Variants in PDGFC observed in about 807,000 individuals in gnomAD.
PDGFC encodes platelet derived growth factor C, also known as platelet-derived growth factor C.
Under a neutral mutation model 35.5 loss-of-function variants are expected in PDGFC, and 12 were observed. The observed-to-expected ratio is 0.34, with a 90% CI of 0.22 to 0.55. PDGFC has a LOEUF of 0.55. Among genes scored for constraint, PDGFC ranks in the 20% least tolerant of loss-of-function variants. The pLI is 0.91. For synonymous variants in PDGFC, 159 were observed against 148.8 expected (o/e 1.07, Z -0.50); for missense variants, 322 against 412.4 (o/e 0.78, Z 1.90).
chr4:156,938,554 G>A (rs1156766558), intron 1 of PDGFC, among the ~76,000 whole-genome samples: 2 of 151,772 alleles, frequency 1.3e-5, no homozygotes, highest in Non-Finnish European at 2.9e-5. Context: ...GCAATAACAA[G>A]TCAATATTTA....
At chr4:156,792,243 T>G (rs1731318153) in intron 3 of PDGFC, among the ~76,000 whole-genome samples, 1 of 152,134 alleles carries the variant, frequency 6.6e-6, no homozygotes, top group South Asian at 2.1e-4. Flanking sequence ...ATATACAATT[T>G]GGATAAAAGT....
chr4:156,877,847 T>A (rs908264741), intron 1 of PDGFC, among the ~76,000 whole-genome samples: 3 of 152,118 alleles, frequency 2.0e-5, no homozygotes, highest in Admixed American at 6.6e-5. Flanking sequence ...CTTGGTTAAC[T>A]CTATTCACTC....
At chr4:156,782,046 T>G (rs896029473) in intron 3 of PDGFC, among the ~76,000 whole-genome samples, 1 of 152,126 alleles carries the variant, frequency 6.6e-6, no homozygotes, top group African/African-American at 2.4e-5. Flanking sequence ...CCACCCAACA[T>G]TCTTTCTAGA....
At chr4:156,902,902 G>GA (rs1730823824) in intron 1 of PDGFC, among the ~76,000 whole-genome samples, 1 of 151,798 alleles carries the variant, frequency 6.6e-6, no homozygotes, top group Non-Finnish European at 1.5e-5. Context: ...CAACTATGCG[G>GA]AGCAAAAAAA....
At chr4:156,901,854 T>A (rs978500073) in intron 1 of PDGFC, among the ~76,000 whole-genome samples, 2 of 152,072 alleles carry the variant, frequency 1.3e-5, no homozygotes, top group African/African-American at 4.8e-5. Context: ...TCAAGTGATC[T>A]GCCCGCCTCG....
chr4:156,869,486 G>A (rs1470537804), intron 1 of PDGFC, among the ~76,000 whole-genome samples: 1 of 151,912 alleles, frequency 6.6e-6, no homozygotes, highest in Non-Finnish European at 1.5e-5. Context: ...CATAGCTACT[G>A]TTGTTTTTGC....
intron 1 of PDGFC, among the ~76,000 whole-genome samples, chr4:156,881,234 C>G (rs1268512406): frequency 1.3e-5 from 2 of 152,164 alleles, no homozygotes; most frequent in Non-Finnish European, 2.9e-5. Context: ...AAGGTTACTA[C>G]TTGCTAAAGG....
At chr4:156,849,081 G>C (rs140202529) in intron 2 of PDGFC, among the ~76,000 whole-genome samples, 265 of 152,062 alleles carry the variant, frequency 1.7e-3, no homozygotes, top group Middle Eastern at 6.8e-3. Flanking sequence ...AAAGACAAGA[G>C]GTGCAGTACA....
chr4:156,946,898 T>C (rs985659382), intron 1 of PDGFC, among the ~76,000 whole-genome samples: 2 of 152,002 alleles, frequency 1.3e-5, no homozygotes, highest in South Asian at 2.1e-4. Flanking sequence ...TCACCCAGTT[T>C]ACTTAGGAAT....
intron 1 of PDGFC, among the ~76,000 whole-genome samples, chr4:156,951,449 T>C (rs1310918828): frequency 6.6e-6 from 1 of 151,794 alleles, no homozygotes; most frequent in Non-Finnish European, 1.5e-5. Flanking sequence ...TGTGGAGTTT[T>C]AATATTTTTG....
At chr4:156,849,296 C>T (rs1330708463) in intron 2 of PDGFC, among the ~76,000 whole-genome samples, 1 of 151,850 alleles carries the variant, frequency 6.6e-6, no homozygotes, top group African/African-American at 2.4e-5. Context: ...ACAGAAAGAA[C>T]AAATGTGAAG....
In PDGFC at chr4:156,851,930, C is replaced by CAAAAAAA. The variant is rs61505882; in HGVS notation, c.119-1521_119-1515dup. Among the ~76,000 whole-genome samples the CAAAAAAA allele has an allele frequency of 1.4e-3, 67 of 47,854 alleles. 2 individuals are homozygous for CAAAAAAA. The highest frequency in any genetic ancestry group is 3.8e-3 in the African/African-American group (58 of 15,070). 31.4% of individuals were successfully genotyped at this position (47,854 alleles called of 152,430 possible). A position where few individuals can be genotyped will look rare whatever the true frequency, so the allele number is the denominator to read the frequency against. ...TGGGCGACAGAATGAGACTCCATCT[C>CAAAAAAA]AAAAAAAAAAAAAAAAAAAAAAAAA... On this transcript the variant is annotated intron_variant, in intron 1 of 5. Coordinates refer to ENST00000502773, the MANE Select transcript of PDGFC (RefSeq NM_016205.3).
intron 2 of PDGFC, among the ~76,000 whole-genome samples, chr4:156,833,665 G>A (rs1246583400): frequency 6.6e-6 from 1 of 152,148 alleles, no homozygotes; most frequent in East Asian, 1.9e-4. Context: ...TAATTTAACA[G>A]CTAATAGAAA....
At chr4:156,792,277 A>G (rs952660688) in intron 3 of PDGFC, among the ~76,000 whole-genome samples, 2 of 152,216 alleles carry the variant, frequency 1.3e-5, no homozygotes, top group Non-Finnish European at 2.9e-5. Context: ...GTTCCACTGG[A>G]GGTACAATCC....
At position 156,821,187 on chromosome 4, in the gene PDGFC, GTGTGTGTA is replaced by G. The variant is rs567447094; in HGVS notation, c.315-10178_315-10171del. Among the ~76,000 whole-genome samples the G allele has an allele frequency of 4.8e-3, 704 of 145,354 alleles. 7 individuals are homozygous for G. Among genetic ancestry groups the G allele is most frequent in the African/African-American group, 0.017 (671 of 39,430 alleles). ...CTGTTGTATGTGTGTGTGTGTGTGT[GTGTGTGTA>G]TGTGTGTGTGTGTGTGAATGTGTGT... On this transcript the variant is annotated intron_variant, in intron 2 of 5. Transcript: ENST00000502773.
At chr4:156,884,455 T>G (rs1408359096) in intron 1 of PDGFC, among the ~76,000 whole-genome samples, 1 of 152,188 alleles carries the variant, frequency 6.6e-6, no homozygotes, top group East Asian at 1.9e-4. Flanking sequence ...TTTACCAGCC[T>G]GAAGAAAACT....
chr4:156,961,801 C>T (rs758109790), intron 1 of PDGFC, among the ~76,000 whole-genome samples: 19 of 152,086 alleles, frequency 1.2e-4, no homozygotes, highest in Admixed American at 3.3e-4. Context: ...GATCCTTCAC[C>T]CAGCCTCATT....
intron 1 of PDGFC, among the ~76,000 whole-genome samples, chr4:156,937,965 G>A (rs989310239): frequency 6.6e-6 from 1 of 152,004 alleles, no homozygotes; most frequent in South Asian, 2.1e-4. Flanking sequence ...TTAATAATGT[G>A]CTTAATATTG....
rs1730589458 is a variant in PDGFC, at chr4:156,768,083, G to T, written c.704-93C>A. The T allele has an allele frequency of 4.2e-5, 32 of 770,850 alleles. 2 individuals carry two copies. The South Asian group carries it at 5.1e-4, about 12-fold the overall frequency. 47.8% of individuals were successfully genotyped at this position (770,850 alleles called of 1,614,324 possible). A position where few individuals can be genotyped will look rare whatever the true frequency, so the allele number is the denominator to read the frequency against. ...AGCTCTTTTCATAAAGAAATCTTAC[G>T]TTATTTCATGAACAATATCCATAAC... On this transcript the variant is annotated intron_variant, in intron 4 of 5. Coordinates refer to ENST00000502773, the MANE Select transcript of PDGFC (RefSeq NM_016205.3).
Sources: gnomAD v4.1 joint callset for allele counts (sites outside exome capture counted in the v4.1 genomes callset) on GRCh38, gnomAD v4.1.1 for gene constraint, MANE v1.5 for transcripts, NCBI Gene and HGNC (gene_info 2026-07-23, HGNC 2026-07-21) for gene names.